SLC35F5: variants seen among roughly 807,000 people sequenced by gnomAD.
The protein encoded by SLC35F5 is solute carrier family 35 member F5, also known as HCV NS5A-transactivated protein 3.
Under a neutral mutation model 68.6 loss-of-function variants are expected in SLC35F5, and 54 were observed. The observed-to-expected ratio is 0.79, with a 90% CI of 0.63 to 0.99. The LOEUF (loss-of-function observed/expected upper bound fraction) is 0.99, where lower values mean the gene tolerates loss of function less well. Among genes scored for constraint, SLC35F5 ranks in the 50% least tolerant of loss-of-function variants. The pLI, the probability that SLC35F5 is intolerant of heterozygous loss-of-function variation, is 0.00. For missense variants in SLC35F5, 567 were observed against 626.9 expected (o/e 0.90, Z 1.02); for synonymous variants, 211 against 205.2 (o/e 1.03, Z -0.24).
Position 113,713,358 on chromosome 2 carries a change from G to C in SLC35F5, c.*1860C>G, listed in dbSNP as rs116052045. 1.2e-4 allele frequency: 19 copies of C among 152,098 alleles called. No individual in the cohort carries two copies. Among genetic ancestry groups the C allele is most frequent in the African/African-American group, 4.6e-4 (19 of 41,490 alleles). 9.4% of individuals were successfully genotyped at this position (152,098 alleles called of 1,614,324 possible). On this transcript the variant is annotated 3_prime_UTR_variant, in exon 16 of 16. Transcript: ENST00000245680. ...TGACCTGTGTGATGATAAGAGCACAGAACACATGAACAACCAAAAGATTCT... is the reference window on the plus strand; with the variant it reads ...TGACCTGTGTGATGATAAGAGCACACAACACATGAACAACCAAAAGATTCT...
intron 10 of SLC35F5, 53 bp from the exon 11 acceptor site, chr2:113,729,558 C>G (rs146726881): frequency 2.2e-6 from 2 of 914,214 alleles, no homozygotes; most frequent in Non-Finnish European, 3.5e-6. Flanking sequence ...ATTCAATATA[C>G]GCTTAAAATC....
chr2:113,753,442 G>T (rs1264528001), intron 3 of SLC35F5, among the ~76,000 whole-genome samples: 1 of 152,054 alleles, frequency 6.6e-6, no homozygotes, highest in Non-Finnish European at 1.5e-5. Flanking sequence ...TTCCCAAAGT[G>T]TTGGGATTTC....
At chr2:113,743,825 C>T (rs1246994139) in intron 5 of SLC35F5, 31 bp from the exon 6 acceptor site, 1 of 1,535,274 alleles carries the variant, frequency 6.5e-7, no homozygotes, top group East Asian at 2.3e-5. Flanking sequence ...ATATAAACAA[C>T]AAATATAAAA....
chr2:113,704,556 A>C (rs1405448974), downstream of SLC35F5, among the ~76,000 whole-genome samples: 1 of 152,042 alleles, frequency 6.6e-6, no homozygotes, highest in Non-Finnish European at 1.5e-5. Flanking sequence ...CCCCGCGGGG[A>C]GGCAGCTAAG....
intron 5 of SLC35F5, 73 bp from the exon 6 acceptor site, chr2:113,743,867 G>T: frequency 8.3e-7 from 1 of 1,211,266 alleles, no homozygotes; most frequent in Non-Finnish European, 1.2e-6. Flanking sequence ...TAAATGGATA[G>T]TACGTAGACA....
intron 6 of SLC35F5, among the ~76,000 whole-genome samples, 165 bp downstream of exon 6, chr2:113,743,548 A>G (rs1395595150): frequency 6.6e-6 from 1 of 152,200 alleles, no homozygotes. Flanking sequence ...AAATGATTAT[A>G]CTATATTAGA....
rs1219037208 is a variant in SLC35F5 at position 113,710,457 on chromosome 2, T to C, written c.*4761A>G. ...CTAAAGAATTGGTTTTAGCCAGGCA[T>C]GGTGGCTCATGCCTGTAATCCCAGC... On this transcript the variant is annotated 3_prime_UTR_variant, in exon 16 of 16. Transcript: ENST00000245680. Among the ~76,000 whole-genome samples the C allele has an allele frequency of 3.9e-5, 6 of 152,244 alleles. No homozygotes were observed. In the South Asian group the frequency reaches 1.0e-3, roughly 26 times the overall value.
chr2:113,756,201 G>C (rs960521968), intron 1 of SLC35F5, 169 bp downstream of exon 1: 8 of 1,490,356 alleles, frequency 5.4e-6, no homozygotes, highest in Non-Finnish European at 7.1e-6. Context: ...AGCGGTGGGC[G>C]CAGGGCTCCG....
intron 4 of SLC35F5, among the ~76,000 whole-genome samples, chr2:113,748,978 A>G (rs544736443): frequency 6.6e-6 from 1 of 152,094 alleles, no homozygotes; most frequent in South Asian, 2.1e-4. Flanking sequence ...TAATTTTTGT[A>G]TTTTTAGTAG....
intron 1 of SLC35F5, chr2:113,755,762 G>A: frequency 1.6e-6 from 2 of 1,252,298 alleles, no homozygotes; most frequent in Admixed American, 4.0e-5. Flanking sequence ...CGGGCAGGGA[G>A]GGGGAGTAAT....
At position 113,707,557 on chromosome 2, in the gene SLC35F5, CT is replaced by C. The variant is rs1686832474; in HGVS notation, c.*7660del. ...ATACTAATTTGAATATGAAGACTCA[CT>C]TTTTATTTCTTATTTTTTTGAAACA... On this transcript the variant is annotated 3_prime_UTR_variant, in exon 16 of 16. Transcript: ENST00000245680. Among the ~76,000 whole-genome samples, 1 of 151,966 alleles carries C rather than the reference CT, an allele frequency of 6.6e-6. No individual in the cohort carries two copies. The highest frequency in any genetic ancestry group is 1.5e-5 in the Non-Finnish European group (1 of 67,960).
At chr2:113,717,585 G>A (rs1247160799) in intron 15 of SLC35F5, 168 bp downstream of exon 15, 8 of 484,140 alleles carry the variant, frequency 1.7e-5, no homozygotes, top group East Asian at 3.3e-5. Flanking sequence ...ACCTTGCACA[G>A]GGCCACACAG....
chr2:113,725,348 G>A, intron 12 of SLC35F5, 30 bp downstream of exon 12: 1 of 1,567,274 alleles, frequency 6.4e-7, no homozygotes, highest in Non-Finnish European at 8.6e-7. Flanking sequence ...TTAATCAACT[G>A]ATAATAATTG....
intron 4 of SLC35F5, among the ~76,000 whole-genome samples, chr2:113,749,379 G>A (rs1441750724): frequency 2.0e-5 from 3 of 152,112 alleles, no homozygotes; most frequent in Admixed American, 6.5e-5. Flanking sequence ...GCATGGCTAC[G>A]TACTCAGCTA....
At chr2:113,746,189 C>T in intron 5 of SLC35F5, 88 bp downstream of exon 5, 2 of 958,084 alleles carry the variant, frequency 2.1e-6, no homozygotes, top group East Asian at 2.4e-5. Context: ...TGTTGTAATA[C>T]AGCTTTGCTG....
intron 10 of SLC35F5, among the ~76,000 whole-genome samples, chr2:113,730,938 A>C (rs1371779554): frequency 6.6e-6 from 1 of 152,206 alleles, no homozygotes; most frequent in Non-Finnish European, 1.5e-5. Flanking sequence ...AATATTAGTA[A>C]CTTTACACTG....
rs2104462463 is a variant in SLC35F5 at position 113,742,634 on chromosome 2, TAC to T, written c.750+56_750+57del. On this transcript the variant is annotated intron_variant, in intron 7 of 15. Coordinates refer to ENST00000245680, the MANE Select transcript of SLC35F5 (RefSeq NM_025181.5). ...TTCAATCCTATATTGTTGGTATGTA[TAC>T]AGTCTTAAAATTCAAGTTTCAAACA... The T allele has an allele frequency of 2.0e-6, 3 of 1,537,790 alleles. No homozygotes were observed. The East Asian group carries it at 6.7e-5, about 35-fold the overall frequency.
At chr2:113,719,608 C>G (rs1362286524) in intron 13 of SLC35F5, 1 of 193,774 alleles carries the variant, frequency 5.2e-6, no homozygotes, top group African/African-American at 2.3e-5. Context: ...TAGAGATATA[C>G]AGTAGGAAAC....
Position 113,742,758 on chromosome 2 carries a change from T to A in SLC35F5, c.684A>T (p.Ile228=), listed in dbSNP as rs1289086996. ...MSYPVKEQES[I]LKTVGKLTAT... Reference sequence around the variant, plus strand: ...CAGTAAGTTTCCCCACAGTTTTCAGTATGGATTCTTGTTCTTTCACAGGAT... The same window carrying A: ...CAGTAAGTTTCCCCACAGTTTTCAGAATGGATTCTTGTTCTTTCACAGGAT... The change falls in exon 7 of 16, where the codon ATA becomes ATT. Residue 228 remains isoleucine (I), a synonymous_variant. Transcript: ENST00000245680. The A allele has an allele frequency of 6.2e-7, 1 of 1,614,052 alleles. No individual in the cohort carries two copies. The highest frequency in any genetic ancestry group is 8.5e-7 in the Non-Finnish European group (1 of 1,179,982).
Sources: allele counts gnomAD v4.1 joint callset (sites outside exome capture counted in the v4.1 genomes callset), GRCh38; gene constraint gnomAD v4.1.1; transcripts MANE v1.5; gene names NCBI Gene and HGNC (gene_info 2026-07-23, HGNC 2026-07-21).